Variants in KANK3 observed in about 807,000 individuals in gnomAD.
The protein encoded by KANK3 is KN motif and ankyrin repeat domain-containing protein 3.
KANK3 carries 61 observed loss-of-function variants against 65.4 expected under a neutral mutation model. The ratio of observed to expected loss-of-function variants is 0.93; its 90% confidence interval spans 0.76 to 1.15. The LOEUF is 1.15. Ranked by LOEUF, KANK3 falls within the 50% of genes most tolerant of loss-of-function variation. KANK3 has a pLI of 0.00. For synonymous variants in KANK3, 586 were observed against 543.3 expected, an observed-to-expected ratio of 1.08 and a Z score of -1.09; for missense variants, 1,187 against 1,178.8, an observed-to-expected ratio of 1.01 and a Z score of -0.10.
At position 8,337,555 on chromosome 19, in the gene KANK3, AG is replaced by A. The variant is rs1970662891; in HGVS notation, c.34+239del. Reference sequence around the variant, plus strand: ...GAGACAGGGTTTCACCATGTTGCCCAGGCTGGTCTCAAACTCCTGATCTCAA... The same window carrying A: ...GAGACAGGGTTTCACCATGTTGCCCAGCTGGTCTCAAACTCCTGATCTCAA... On this transcript the variant is annotated intron_variant, in intron 2 of 10. Coordinates refer to ENST00000330915, the MANE Select transcript of KANK3 (RefSeq NM_198471.3). Among the ~76,000 whole-genome samples, 6 of 152,054 alleles carry A rather than the reference AG, an allele frequency of 3.9e-5. No individual in the cohort carries two copies. The South Asian group carries it at 1.2e-3, about 32-fold the overall frequency.
chr19:8,334,573 C>T lies in KANK3; in HGVS notation c.1254G>A (p.Pro418=). ...CCTGAGTCAAGGAGGGCGCCTCTGCCGGGGACTCGGTCTGCGCGGCCTTTT... is the reference window on the plus strand; with the variant it reads ...CCTGAGTCAAGGAGGGCGCCTCTGCTGGGGACTCGGTCTGCGCGGCCTTTT... ...CAEKAAQTES[P]AEAPSLTQES... Residue 418 remains proline (P), a synonymous_variant, in exon 3 of 11, where the codon CCG becomes CCA. Transcript: ENST00000330915. 6.3e-7 allele frequency: 1 copy of T among 1,597,202 alleles called. No homozygotes were observed. The highest frequency in any genetic ancestry group is 8.5e-7 in the Non-Finnish European group (1 of 1,178,314).
chr19:8,324,431 T>C lies in KANK3; in HGVS notation c.2382+18A>G, dbSNP rs1243475093. On this transcript the variant is annotated intron_variant, in intron 10 of 10. Transcript: ENST00000330915. ...ATTTGCAGCTGGGAAAGTTTGTTTCTTCCAGAGCTGTGCTCACCTGGGTGT... is the reference window on the plus strand; with the variant it reads ...ATTTGCAGCTGGGAAAGTTTGTTTCCTCCAGAGCTGTGCTCACCTGGGTGT... 6.4e-7 allele frequency: 1 copy of C among 1,573,748 alleles called. No homozygotes were observed. Among genetic ancestry groups the C allele is most frequent in the Non-Finnish European group, 8.6e-7 (1 of 1,158,686 alleles).
chr19:8,333,282 G>C lies in KANK3; in HGVS notation c.1720-52C>G, dbSNP rs1335438954. 2 of 1,468,316 alleles carry C rather than the reference G, an allele frequency of 1.4e-6. No homozygotes were observed. The highest frequency in any genetic ancestry group is 1.8e-5 in the Admixed American group (1 of 54,056). The allele number at this position is 1,468,316 out of a possible 1,614,324, so 91.0% of individuals were successfully genotyped here. ...ATCGGCGATGGTCCACGGCGGCGCC[G>C]TGGTGGGGGAGCTGGGGAGGGGCGG... On this transcript the variant is annotated intron_variant, in intron 6 of 10. Coordinates refer to ENST00000330915, the MANE Select transcript of KANK3 (RefSeq NM_198471.3). This position sits in a 1 kb window ranked among gnomAD's most constrained non-coding sequence, Gnocchi z 5.0.
rs1162074190 is a variant in KANK3 at position 8,334,304 on chromosome 19, G to A, written c.1427+16C>T. The A allele has an allele frequency of 6.2e-7, 1 of 1,613,680 alleles. No homozygotes were observed. Among genetic ancestry groups the A allele is most frequent in the Admixed American group, 1.7e-5 (1 of 60,004 alleles). ...TGTCCCGGCAGAAGCTGCCACAGGA[G>A]GGGAAAGGCGCTCACTCTCCGTTGA... On this transcript the variant is annotated intron_variant, in intron 4 of 10. Transcript: ENST00000330915.
Position 8,335,843 on chromosome 19 carries a change from G to A in KANK3, c.35-51C>T, listed in dbSNP as rs541368507. ...AGGGCGCATCAGAACGGGGAAACCCGGGAGATACTAAACAAACCGAGCGTG... is the reference window on the plus strand; with the variant it reads ...AGGGCGCATCAGAACGGGGAAACCCAGGAGATACTAAACAAACCGAGCGTG... On this transcript the variant is annotated intron_variant, in intron 2 of 10. Coordinates refer to ENST00000330915, the MANE Select transcript of KANK3 (RefSeq NM_198471.3). The A allele has an allele frequency of 3.4e-6, 4 of 1,186,794 alleles. No homozygotes were observed. In the East Asian group the frequency reaches 1.3e-4, roughly 38 times the overall value. The allele number at this position is 1,186,794 out of a possible 1,614,324, so 73.5% of individuals were successfully genotyped here.
Position 8,335,784 on chromosome 19 carries a change from C to G in KANK3, c.43G>C (p.Gly15Arg). Residue 15 changes from glycine (G) to arginine (R), a missense_variant, in exon 3 of 11, where the codon GGC becomes CGC. Around this residue, in one of 3 missense-constraint regions of KANK3, gnomAD observed 104 missense variants for 122.1 expected, o/e 0.85. Transcript: ENST00000330915. ...ALNQNLPDLG[G>R]PRLCPVPAAG... ...GCGGGGACCGGGCACAGGCGGGGGC[C>G]GCCCAGGTCTGGAGGCACGACGGGG... The G allele has an allele frequency of 8.1e-7, 1 of 1,236,460 alleles. No individual in the cohort carries two copies. The highest frequency in any genetic ancestry group is 4.1e-5 in the South Asian group (1 of 24,398). 76.6% of individuals were successfully genotyped at this position (1,236,460 alleles called of 1,614,324 possible).
At chr19:8,341,189 C>A (rs1970718992) in intron 1 of KANK3, among the ~76,000 whole-genome samples, 1 of 151,728 alleles carries the variant, frequency 6.6e-6, no homozygotes, top group African/African-American at 2.4e-5. Flanking sequence ...TTACTATGGG[C>A]CAGCCTCTAG....
rs2145433947 is a variant in KANK3 at position 8,335,206 on chromosome 19, C to A, written c.621G>T (p.Leu207=). The A allele has an allele frequency of 3.3e-6, 4 of 1,219,652 alleles. No homozygotes were observed. In the East Asian group the frequency reaches 1.1e-4, roughly 32 times the overall value. 75.6% of individuals were successfully genotyped at this position (1,219,652 alleles called of 1,614,324 possible). Reference sequence around the variant, plus strand: ...CGCGCACCTGCTCCTGCAGCTCGGGCAGCGTTCGCGCCTGGTCCTCGAGCT... The same window carrying A: ...CGCGCACCTGCTCCTGCAGCTCGGGAAGCGTTCGCGCCTGGTCCTCGAGCT... ...LRELEDQART[L]PELQEQVRAL... is the part of the protein sequence containing the mutation. The change falls in exon 3 of 11, where the codon CTG becomes CTT. Residue 207 remains leucine, a synonymous_variant. Transcript: ENST00000330915.
chr19:8,337,898 G>T, intron 1 of KANK3, 42 bp from the exon 2 acceptor site: 1 of 1,609,420 alleles, frequency 6.2e-7, no homozygotes. Flanking sequence ...TGTCCCTCTG[G>T]CTGGAGCCTC....
rs767091147 is a variant in KANK3 at position 8,335,473 on chromosome 19, C to T, written c.354G>A (p.Pro118=). ...TGCGCACGGGCGCGCGCGGCGACAG[C>T]GGCTGCATCAGGAGCCCCGAGGGCG... ...QGAPSGLLMQ[P]LSPRAPVRNP... is the part of the protein sequence containing the mutation. Residue 118 remains proline (P), a synonymous_variant, in exon 3 of 11, where the codon CCG becomes CCA. Coordinates refer to ENST00000330915, the MANE Select transcript of KANK3 (RefSeq NM_198471.3). 26 of 1,236,440 alleles carry T rather than the reference C, an allele frequency of 2.1e-5. 2 individuals carry two copies. The Admixed American group carries it at 5.7e-4, about 27-fold the overall frequency. The allele number at this position is 1,236,440 out of a possible 1,614,324, so 76.6% of individuals were successfully genotyped here. A position where few individuals can be genotyped will look rare whatever the true frequency, so the allele number is the denominator to read the frequency against.
At chr19:8,338,867 C>G in intron 1 of KANK3, among the ~76,000 whole-genome samples, 1 of 109,606 alleles carries the variant, frequency 9.1e-6, no homozygotes, top group African/African-American at 3.8e-5. Flanking sequence ...GAGCGAGATT[C>G]CGTCTCAAAA....
At position 8,333,988 on chromosome 19, in the gene KANK3, G is replaced by A; in HGVS notation, c.1556C>T (p.Pro519Leu). ...DSGGGSDSGT[P>L]GPPSGGDIRD... ...GATGTCCCCGCCGCTGGGAGGGCCAGGGGTGCCCGAGTCGGATCCCCCGCC... is the reference window on the plus strand; with the variant it reads ...GATGTCCCCGCCGCTGGGAGGGCCAAGGGTGCCCGAGTCGGATCCCCCGCC... The change falls in exon 5 of 11, where the codon CCT becomes CTT. Residue 519 changes from proline (P) to leucine (L), a missense_variant. Physicochemically the swap from Pro to Leu is moderately conservative, Grantham distance 98. Transcript: ENST00000330915. This position sits in a 1 kb window ranked among gnomAD's most constrained non-coding sequence, Gnocchi z 5.0. 1.3e-6 allele frequency: 2 copies of A among 1,565,018 alleles called. No individual in the cohort carries two copies. Among genetic ancestry groups the A allele is most frequent in the Non-Finnish European group, 1.7e-6 (2 of 1,161,218 alleles).
intron 7 of KANK3, among the ~76,000 whole-genome samples, chr19:8,325,403 GC>G (rs1285976797): frequency 7.0e-6 from 1 of 143,474 alleles, no homozygotes; most frequent in Non-Finnish European, 1.5e-5. Context: ...CTCCGGAGTA[GC>G]TGGAACTACA....
At chr19:8,325,131 C>A in intron 7 of KANK3, 35 bp from the exon 8 acceptor site, 1 of 1,584,544 alleles carries the variant, frequency 6.3e-7, no homozygotes. Context: ...ACGGAGATGC[C>A]AACACCGCGG....
rs1462825634 is a variant in KANK3, at chr19:8,324,390, A to G, written c.2382+59T>C. On this transcript the variant is annotated intron_variant, in intron 10 of 10. Transcript: ENST00000330915. ...AAGGGAGGCTCAGGGCATATTTACT[A>G]TCCTCTGCAAACTGAATTTGCAGCT... 46 of 1,473,068 alleles carry G rather than the reference A, an allele frequency of 3.1e-5. No individual in the cohort carries two copies. The Admixed American group carries it at 8.5e-4, about 27-fold the overall frequency. The allele number at this position is 1,473,068 out of a possible 1,614,324, so 91.2% of individuals were successfully genotyped here.
In KANK3 at chr19:8,334,692, G is replaced by A; in HGVS notation, c.1135C>T (p.Leu379=). Residue 379 remains leucine (L), a synonymous_variant, in exon 3 of 11, where the codon CTG becomes TTG. Coordinates refer to ENST00000330915, the MANE Select transcript of KANK3 (RefSeq NM_198471.3). ...TCCGCAGCCTCGCGGGCTTCCTCCA[G>A]CTCCCGCAACCGGCCCCGCAGAAGC... ...SELLRGRLRE[L]EEAREAAEEA... 1.3e-6 allele frequency: 2 copies of A among 1,533,252 alleles called. No homozygotes were observed. Among genetic ancestry groups the A allele is most frequent in the Non-Finnish European group, 1.7e-6 (2 of 1,146,406 alleles). 95.0% of individuals were successfully genotyped at this position (1,533,252 alleles called of 1,614,324 possible).
Position 8,333,748 on chromosome 19 carries a change from C to A in KANK3, c.1695G>T (p.Arg565=). 4 of 1,476,652 alleles carry A rather than the reference C, an allele frequency of 2.7e-6. No individual in the cohort carries two copies. The highest frequency in any genetic ancestry group is 1.8e-6 in the Non-Finnish European group (2 of 1,110,242). 91.5% of individuals were successfully genotyped at this position (1,476,652 alleles called of 1,614,324 possible). A position where few individuals can be genotyped will look rare whatever the true frequency, so the allele number is the denominator to read the frequency against. Residue 565 remains arginine, a synonymous_variant, in exon 6 of 11, where the codon CGG becomes CGT. Transcript: ENST00000330915. This position sits in a 1 kb window ranked among gnomAD's most constrained non-coding sequence, Gnocchi z 5.0. The stretch of plus-strand genomic sequence containing the variant: ...CGCCGTCGCTGGCTACTCCGCGGGG[C>A]CGGCTCAGCTGCCGCTGCAGCGCTA... The part of the protein sequence containing the change: ...ACVALQRQLS[R]PRGVASDGGA...
In KANK3 at chr19:8,335,790, G is replaced by C. The variant is rs889865933; in HGVS notation, c.37C>G (p.Leu13Val). 1 of 1,234,854 alleles carries C rather than the reference G, an allele frequency of 8.1e-7. No individual in the cohort carries two copies. The highest frequency in any genetic ancestry group is 1.0e-6 in the Non-Finnish European group (1 of 987,318). 76.5% of individuals were successfully genotyped at this position (1,234,854 alleles called of 1,614,324 possible). The change falls in exon 3 of 11, where the codon CTG becomes GTG. Residue 13 changes from leucine to valine, a missense_variant and splice_region_variant. Leu to Val is a conservative substitution (Grantham distance 32). Around this residue, in one of 3 missense-constraint regions of KANK3, gnomAD observed 104 missense variants for 122.1 expected, o/e 0.85. Transcript: ENST00000330915. ...ACCGGGCACAGGCGGGGGCCGCCCA[G>C]GTCTGGAGGCACGACGGGGGCACGG... is the stretch of plus-strand genomic sequence containing the variant. The part of the protein sequence containing the change: ...KFALNQNLPD[L>V]GGPRLCPVPA...
rs1970629805 is a variant in KANK3, at chr19:8,335,885, A to C, written c.35-93T>G. The C allele has an allele frequency of 9.5e-6, 8 of 844,374 alleles. No homozygotes were observed. In the Admixed American group the frequency reaches 3.0e-4, roughly 32 times the overall value. 52.3% of individuals were successfully genotyped at this position (844,374 alleles called of 1,614,324 possible). A position where few individuals can be genotyped will look rare whatever the true frequency, so the allele number is the denominator to read the frequency against. ...CCGAGCGTGTCCCCCACCCATGCCCACGCTTCACACCTATCTGTACCCAAG... is the reference window on the plus strand; with the variant it reads ...CCGAGCGTGTCCCCCACCCATGCCCCCGCTTCACACCTATCTGTACCCAAG... On this transcript the variant is annotated intron_variant, in intron 2 of 10. Transcript: ENST00000330915.
Sources: gnomAD v4.1 joint callset for allele counts (sites outside exome capture counted in the v4.1 genomes callset) on GRCh38, gnomAD v4.1.1 for gene constraint, gnomAD v4.1.1 regional missense constraint, Gnocchi (gnomAD v3.1) non-coding constraint, MANE v1.5 for transcripts, NCBI Gene and HGNC (gene_info 2026-07-23, HGNC 2026-07-21) for gene names.